CSMD3: variants seen among roughly 807,000 people sequenced by gnomAD.
The protein encoded by CSMD3 is CUB and Sushi multiple domains 3.
A neutral mutation model predicts 435.2 loss-of-function variants in CSMD3; 177 were observed. That is an observed-to-expected ratio of 0.41 (90% CI 0.36 to 0.46). The LOEUF (loss-of-function observed/expected upper bound fraction) is 0.46. Ranked by LOEUF, CSMD3 falls within the 20% of genes least tolerant of loss-of-function variation. The pLI is 0.34. For missense variants in CSMD3, 4,265 were observed against 4,504.6 expected, an observed-to-expected ratio of 0.95 and a Z score of 1.52; for synonymous variants, 1,656 against 1,520.5, an observed-to-expected ratio of 1.09 and a Z score of -2.07.
intron 56 of CSMD3, 139 bp from the exon 57 acceptor site, chr8:112,289,677 G>T: frequency 1.7e-6 from 1 of 598,828 alleles, no homozygotes; most frequent in Non-Finnish European, 2.8e-6. Flanking sequence ...CATCTATGTT[G>T]AAGGTGTCTT....
intron 28 of CSMD3, among the ~76,000 whole-genome samples, chr8:112,515,347 G>A (rs1427704671): frequency 6.6e-6 from 1 of 152,054 alleles, no homozygotes; most frequent in Non-Finnish European, 1.5e-5. Context: ...ACATAAATAT[G>A]CTCTTCATGA....
intron 8 of CSMD3, among the ~76,000 whole-genome samples, chr8:112,954,352 AATTTT>A (rs2083933549): frequency 6.6e-6 from 1 of 151,522 alleles, no homozygotes; most frequent in Non-Finnish European, 1.5e-5. Context: ...AGAAACCACC[AATTTT>A]AGAAATGTTA....
chr8:112,379,120 TA>T (rs1390794111), intron 38 of CSMD3, among the ~76,000 whole-genome samples: 1 of 152,118 alleles, frequency 6.6e-6, no homozygotes, highest in East Asian at 1.9e-4. Flanking sequence ...TGAAAAATAA[TA>T]AAATACTTTA....
intron 6 of CSMD3, among the ~76,000 whole-genome samples, chr8:113,009,043 A>G (rs1406848250): frequency 6.6e-6 from 1 of 151,680 alleles, no homozygotes; most frequent in African/African-American, 2.4e-5. Context: ...CTTACATATA[A>G]TTAAAATTAT....
intron 3 of CSMD3, among the ~76,000 whole-genome samples, chr8:113,209,103 T>C (rs1406096666): frequency 6.6e-6 from 1 of 152,150 alleles, no homozygotes; most frequent in Admixed American, 6.6e-5. Context: ...TAATGGTTGA[T>C]GTTATTAAAA....
intron 2 of CSMD3, 171 bp downstream of exon 2, chr8:113,314,400 G>A: frequency 1.6e-6 from 1 of 610,026 alleles, no homozygotes; most frequent in Non-Finnish European, 2.9e-6. Context: ...TGACATCAGA[G>A]ACACCAAGCT....
intron 66 of CSMD3, among the ~76,000 whole-genome samples, 161 bp downstream of exon 66, chr8:112,241,559 T>C (rs1366937731): frequency 1.3e-5 from 2 of 152,118 alleles, no homozygotes; most frequent in African/African-American, 4.8e-5. Context: ...GTCACTGTAT[T>C]ACATTGCTTT....
At chr8:112,374,675 TA>T (rs1828772165) in intron 38 of CSMD3, among the ~76,000 whole-genome samples, 2 of 152,294 alleles carry the variant, frequency 1.3e-5, no homozygotes, top group African/African-American at 4.8e-5. Flanking sequence ...ATGTTCCATT[TA>T]AAAGGAAGCA....
chr8:113,087,797 T>G (rs1490257076), intron 5 of CSMD3, among the ~76,000 whole-genome samples: 1 of 152,076 alleles, frequency 6.6e-6, no homozygotes, highest in Non-Finnish European at 1.5e-5. Flanking sequence ...CATAGGCATG[T>G]GCAGGGACTT....
intron 5 of CSMD3, among the ~76,000 whole-genome samples, chr8:113,053,375 A>G (rs972995126): frequency 1.2e-4 from 19 of 152,134 alleles, no homozygotes; most frequent in Non-Finnish European, 1.9e-4. Flanking sequence ...AACTTTTTCT[A>G]ATTTTAGCTT....
rs1815894982 is a variant in CSMD3, at chr8:112,448,597, G to A, written c.5395+23994C>T. On this transcript the variant is annotated intron_variant, in intron 32 of 70. Coordinates refer to ENST00000297405, the MANE Select transcript of CSMD3 (RefSeq NM_198123.2). ...CAGATTCTTCTCTACAGCCTTCAGA[G>A]GGAGCATGGTCCAGATGATACATTG... is the stretch of plus-strand genomic sequence containing the variant. 2.0e-5 allele frequency among the ~76,000 whole-genome samples: 3 copies of A among 152,088 alleles called. No homozygotes were observed. The South Asian group carries it at 6.2e-4, about 32-fold the overall frequency.
chr8:113,199,284 A>G (rs1488994567), intron 3 of CSMD3, among the ~76,000 whole-genome samples: 1 of 151,534 alleles, frequency 6.6e-6, no homozygotes, highest in African/African-American at 2.4e-5. Context: ...CCTGTGTAAA[A>G]TTTAGATTTC....
At chr8:112,305,428 A>C (rs1414222477) in intron 51 of CSMD3, among the ~76,000 whole-genome samples, 1 of 152,124 alleles carries the variant, frequency 6.6e-6, no homozygotes, top group African/African-American at 2.4e-5. Flanking sequence ...TAATCGAAAT[A>C]TAGAGAAAAT....
intron 13 of CSMD3, among the ~76,000 whole-genome samples, chr8:112,772,166 C>A (rs1363775542): frequency 7.7e-6 from 1 of 130,314 alleles, no homozygotes; most frequent in Non-Finnish European, 1.6e-5. Context: ...AGGGCATTGA[C>A]TAAAAACTGT....
chr8:113,301,824 AG>A (rs2093770778), intron 2 of CSMD3, among the ~76,000 whole-genome samples: 1 of 152,040 alleles, frequency 6.6e-6, no homozygotes, highest in Non-Finnish European at 1.5e-5. Flanking sequence ...ATGAAGGAAA[AG>A]TCCCCTTTTT....
intron 6 of CSMD3, among the ~76,000 whole-genome samples, chr8:112,991,792 A>G (rs1247884678): frequency 6.6e-6 from 1 of 151,880 alleles, no homozygotes; most frequent in East Asian, 1.9e-4. Flanking sequence ...AACCCAGTGA[A>G]GTGATGTTTA....
chr8:112,482,842 T>A (rs1247582806), intron 31 of CSMD3, among the ~76,000 whole-genome samples: 5 of 152,192 alleles, frequency 3.3e-5, no homozygotes, highest in Non-Finnish European at 5.9e-5. Flanking sequence ...ATTTCCAGAC[T>A]TTTTCAGAAA....
intron 4 of CSMD3, among the ~76,000 whole-genome samples, chr8:113,105,996 A>G (rs1181222025): frequency 6.6e-6 from 1 of 152,120 alleles, no homozygotes; most frequent in Non-Finnish European, 1.5e-5. Context: ...GAAAATAAGG[A>G]CTTTATAGCA....
intron 32 of CSMD3, among the ~76,000 whole-genome samples, chr8:112,465,242 T>A (rs1817840929): frequency 6.6e-6 from 1 of 152,170 alleles, no homozygotes; most frequent in Admixed American, 6.5e-5. Flanking sequence ...TTCTGTCGTC[T>A]CACATATTAA....
Sources: gnomAD v4.1 joint callset for allele counts (sites outside exome capture counted in the v4.1 genomes callset) on GRCh38, gnomAD v4.1.1 for gene constraint, MANE v1.5 for transcripts, NCBI Gene and HGNC (gene_info 2026-07-23, HGNC 2026-07-21) for gene names.